LRRIQ1: variants seen among roughly 807,000 people sequenced by gnomAD.
LRRIQ1 encodes leucine rich repeats and IQ motif containing 1, also known as leucine-rich repeat- and IQ domain-containing protein 1.
LRRIQ1 carries 210 observed loss-of-function variants against 211.9 expected under a neutral mutation model. The ratio of observed to expected loss-of-function variants is 0.99; its 90% CI spans 0.89 to 1.11. The LOEUF is 1.11. Ranked by LOEUF, LRRIQ1 falls within the 50% of genes most tolerant of loss-of-function variation. The pLI is 0.00. For missense variants in LRRIQ1, 2,136 were observed against 1,939.5 expected (o/e 1.10, Z -1.90); for synonymous variants, 699 against 650.1 (o/e 1.08, Z -1.14).
chr12:85,237,595 G>A (rs1052388077), intron 26 of LRRIQ1, among the ~76,000 whole-genome samples: 2 of 152,006 alleles, frequency 1.3e-5, no homozygotes, highest in South Asian at 2.1e-4. Flanking sequence ...AATCAAAACC[G>A]GGAAACATTG....
At chr12:85,208,957 T>C (rs1893700681) in intron 24 of LRRIQ1, among the ~76,000 whole-genome samples, 1 of 152,156 alleles carries the variant, frequency 6.6e-6, no homozygotes, top group Admixed American at 6.5e-5. Context: ...CAAGCATTCT[T>C]GACCCTTTTG....
chr12:85,214,131 GTAA>G (rs1420750558), intron 24 of LRRIQ1, among the ~76,000 whole-genome samples: 2 of 151,912 alleles, frequency 1.3e-5, no homozygotes, highest in Non-Finnish European at 2.9e-5. Context: ...AATGCAACCA[GTAA>G]TAATATTTTT....
At chr12:85,057,333 G>A in intron 8 of LRRIQ1, 149 bp downstream of exon 8, 1 of 657,452 alleles carries the variant, frequency 1.5e-6, no homozygotes, top group Non-Finnish European at 2.3e-6. Context: ...CCCCATTTGG[G>A]AGGGGATATA....
intron 1 of LRRIQ1, among the ~76,000 whole-genome samples, chr12:85,257,977 C>G (rs868819494): frequency 8.6e-5 from 13 of 151,486 alleles, no homozygotes; most frequent in Non-Finnish European, 1.9e-4. Flanking sequence ...TATAAGGCAG[C>G]CTCAGAGATT....
At chr12:85,053,448 C>T (rs1880566697) in intron 7 of LRRIQ1, among the ~76,000 whole-genome samples, 1 of 151,944 alleles carries the variant, frequency 6.6e-6, no homozygotes, top group Non-Finnish European at 1.5e-5. Context: ...GGATAAAAGA[C>T]GCATTACCTA....
chr12:85,061,535 C>G (rs1014096774), intron 8 of LRRIQ1, among the ~76,000 whole-genome samples: 1 of 151,668 alleles, frequency 6.6e-6, no homozygotes, highest in Non-Finnish European at 1.5e-5. Flanking sequence ...ATTGCCACAT[C>G]ATAAATAACT....
intron 24 of LRRIQ1, among the ~76,000 whole-genome samples, chr12:85,209,373 G>T (rs564996595): frequency 6.6e-6 from 1 of 152,150 alleles, no homozygotes; most frequent in Admixed American, 6.5e-5. Flanking sequence ...ATCAGATCTG[G>T]TGAGAACTCA....
At chr12:85,064,108 T>C (rs1370188556) in intron 8 of LRRIQ1, among the ~76,000 whole-genome samples, 1 of 151,834 alleles carries the variant, frequency 6.6e-6, no homozygotes, top group Non-Finnish European at 1.5e-5. Context: ...ATCTCCAAAC[T>C]GTTCTCCACG....
intron 15 of LRRIQ1, among the ~76,000 whole-genome samples, chr12:85,114,717 A>G (rs535345778): frequency 6.6e-6 from 1 of 152,292 alleles, no homozygotes; most frequent in South Asian, 2.1e-4. Flanking sequence ...TTCTATATTT[A>G]AATGAACTTT....
chr12:85,182,881 C>T (rs956309653), intron 24 of LRRIQ1, among the ~76,000 whole-genome samples: 5 of 152,084 alleles, frequency 3.3e-5, no homozygotes, highest in African/African-American at 7.2e-5. Context: ...CAGAAAGGCC[C>T]GAGGCAGTGT....
chr12:85,216,769 G>A (rs756412792), intron 24 of LRRIQ1, among the ~76,000 whole-genome samples: 1 of 151,594 alleles, frequency 6.6e-6, no homozygotes, highest in Admixed American at 6.6e-5. Context: ...CAAATTAAAC[G>A]TGAAATTCCT....
chr12:85,158,413 C>T (rs1890678656), intron 23 of LRRIQ1, among the ~76,000 whole-genome samples: 1 of 151,716 alleles, frequency 6.6e-6, no homozygotes, highest in Non-Finnish European at 1.5e-5. Flanking sequence ...CTGCTATACA[C>T]CTTATTTTAC....
At chr12:85,072,731 G>T in intron 10 of LRRIQ1, among the ~76,000 whole-genome samples, 176 bp from the exon 11 acceptor site, 1 of 150,472 alleles carries the variant, frequency 6.6e-6, no homozygotes, top group African/African-American at 2.4e-5. Context: ...TGCCTACCTG[G>T]CCATCTTTTT....
chr12:85,051,078 T>G (rs1880250811), intron 6 of LRRIQ1, among the ~76,000 whole-genome samples: 1 of 152,146 alleles, frequency 6.6e-6, no homozygotes, highest in South Asian at 2.1e-4. Context: ...GGATCCCTCA[T>G]GAATAGCTTG....
At chr12:85,128,626 A>G (rs1888548175) in intron 18 of LRRIQ1, among the ~76,000 whole-genome samples, 1 of 152,110 alleles carries the variant, frequency 6.6e-6, no homozygotes, top group East Asian at 1.9e-4. Flanking sequence ...ACTTCTCATC[A>G]AGTATGTCAT....
At chr12:85,046,407 A>G (rs1245586641) in intron 5 of LRRIQ1, among the ~76,000 whole-genome samples, 1 of 152,162 alleles carries the variant, frequency 6.6e-6, no homozygotes, top group Non-Finnish European at 1.5e-5. Flanking sequence ...TCTCTTAACT[A>G]TCTCTTAATG....
intron 15 of LRRIQ1, among the ~76,000 whole-genome samples, chr12:85,117,191 A>G (rs1353091936): frequency 2.0e-5 from 3 of 152,188 alleles, no homozygotes; most frequent in Non-Finnish European, 4.4e-5. Flanking sequence ...GCAGTTTGTT[A>G]GACCTTGGGA....
At position 85,121,061 on chromosome 12, in the gene LRRIQ1, C is replaced by T. The variant is rs536728869; in HGVS notation, c.3378-636C>T. 5.3e-5 allele frequency among the ~76,000 whole-genome samples: 8 copies of T among 152,056 alleles called. No individual in the cohort carries two copies. The South Asian group carries it at 8.3e-4, about 16-fold the overall frequency. On this transcript the variant is annotated intron_variant, in intron 15 of 26. Coordinates refer to ENST00000393217, the MANE Select transcript of LRRIQ1 (RefSeq NM_001079910.2). The stretch of plus-strand genomic sequence containing the variant: ...TGGGTCACTGCAACCTCCACCTCCC[C>T]GGTTCAAGTGATTCTCCTGCCTCAG...
intron 24 of LRRIQ1, among the ~76,000 whole-genome samples, chr12:85,210,174 C>A (rs1055771530): frequency 6.6e-6 from 1 of 152,098 alleles, no homozygotes; most frequent in Non-Finnish European, 1.5e-5. Flanking sequence ...TGACAAAGCA[C>A]AATAAACATT....
Sources: gnomAD v4.1 joint callset for allele counts (sites outside exome capture counted in the v4.1 genomes callset) on GRCh38, gnomAD v4.1.1 for gene constraint, MANE v1.5 for transcripts, NCBI Gene and HGNC (gene_info 2026-07-23, HGNC 2026-07-21) for gene names.